FGF12: variants seen among roughly 807,000 people sequenced by gnomAD.
The protein encoded by FGF12 is fibroblast growth factor 12B.
FGF12 carries 14 observed loss-of-function variants against 23.6 expected under a neutral mutation model. The observed-to-expected ratio is 0.59, with a 90% CI of 0.39 to 0.93. The LOEUF (loss-of-function observed/expected upper bound fraction) is 0.93, where lower values mean the gene tolerates loss of function less well. FGF12 is among the 40% of genes least tolerant of loss of function. The pLI is 0.00. For synonymous variants in FGF12, 62 were observed against 77.3 expected, an observed-to-expected ratio of 0.80 and a Z score of 1.04; for missense variants, 175 against 217.8, an observed-to-expected ratio of 0.80 and a Z score of 1.24.
At chr3:192,589,797 G>A (rs1030122684) in intron 2 of FGF12, among the ~76,000 whole-genome samples, 4 of 151,862 alleles carry the variant, frequency 2.6e-5, no homozygotes, top group Admixed American at 6.6e-5. Context: ...GATGCTCGGA[G>A]GACACAAATC....
intron 2 of FGF12, among the ~76,000 whole-genome samples, chr3:192,413,351 C>T (rs1168757651): frequency 1.3e-5 from 2 of 152,130 alleles, no homozygotes; most frequent in Non-Finnish European, 2.9e-5. Flanking sequence ...ACTTTCTTGG[C>T]TCTTGTTTTA....
intron 5 of FGF12, among the ~76,000 whole-genome samples, chr3:192,148,539 C>G (rs903206139): frequency 6.6e-6 from 1 of 152,066 alleles, no homozygotes; most frequent in Non-Finnish European, 1.5e-5. Flanking sequence ...GATGTTTGCA[C>G]AACAATGTCA....
At chr3:192,606,229 A>G (rs1714331620) in intron 2 of FGF12, among the ~76,000 whole-genome samples, 1 of 152,190 alleles carries the variant, frequency 6.6e-6, no homozygotes, top group African/African-American at 2.4e-5. Context: ...AGCAACATGG[A>G]TGCAGCTGGA....
intron 4 of FGF12, among the ~76,000 whole-genome samples, chr3:192,325,512 A>G (rs1472141742): frequency 1.3e-5 from 2 of 152,048 alleles, no homozygotes; most frequent in Non-Finnish European, 2.9e-5. Context: ...CTCGTCTTTC[A>G]CTTTTCTGAG....
chr3:192,277,113 C>T (rs540506305), intron 4 of FGF12, among the ~76,000 whole-genome samples: 6 of 152,162 alleles, frequency 3.9e-5, no homozygotes, highest in Non-Finnish European at 5.9e-5. Context: ...CTCAATCTGC[C>T]TCTTGTCAAT....
At chr3:192,477,066 C>T (rs1442528830) in intron 2 of FGF12, among the ~76,000 whole-genome samples, 2 of 152,148 alleles carry the variant, frequency 1.3e-5, no homozygotes, top group Non-Finnish European at 2.9e-5. Flanking sequence ...GGGCTAGTAG[C>T]AGCAGAGCTG....
Position 192,320,554 on chromosome 3 carries a change from T to C in FGF12, c.228+14807A>G, listed in dbSNP as rs145810285. 2.3e-4 allele frequency among the ~76,000 whole-genome samples: 35 copies of C among 152,294 alleles called. 1 individual carries two copies. The East Asian group carries it at 6.4e-3, about 28-fold the overall frequency. On this transcript the variant is annotated intron_variant, in intron 4 of 5. Coordinates refer to ENST00000445105, the MANE Select transcript of FGF12 (RefSeq NM_004113.6). ...TTATTCTCAAGGATAGACCATATGC[T>C]AGGTCACAAAACAAGTCTTGGAAAA...
rs373214319 is a variant in FGF12, at chr3:192,627,450, G to A, written c.13+99731C>T. Among the ~76,000 whole-genome samples, 3 of 151,410 alleles carry A rather than the reference G, an allele frequency of 2.0e-5. No homozygotes were observed. In the East Asian group the frequency reaches 5.8e-4, roughly 29 times the overall value. ...TTCATTTTTCTGATTATTTTCCTAG[G>A]ACAATTTCACAGGTGTGAAATTATC... On this transcript the variant is annotated intron_variant, in intron 2 of 5. Coordinates refer to ENST00000445105, the MANE Select transcript of FGF12 (RefSeq NM_004113.6).
chr3:192,448,272 C>G (rs9871497), intron 2 of FGF12, among the ~76,000 whole-genome samples: 3 of 152,100 alleles, frequency 2.0e-5, no homozygotes, highest in Non-Finnish European at 4.4e-5. Flanking sequence ...AGAAATCTAC[C>G]AAGGATGTGG....
At chr3:192,714,225 C>T (rs1718786788) in intron 2 of FGF12, among the ~76,000 whole-genome samples, 1 of 152,022 alleles carries the variant, frequency 6.6e-6, no homozygotes, top group African/African-American at 2.4e-5. Context: ...ATGTCTTTGG[C>T]TAGGAATTAG....
At chr3:192,427,992 A>T (rs1434720836) in intron 2 of FGF12, among the ~76,000 whole-genome samples, 2 of 152,234 alleles carry the variant, frequency 1.3e-5, no homozygotes, top group Non-Finnish European at 2.9e-5. Flanking sequence ...TTAGAACTTC[A>T]ACTGTGCTTT....
At chr3:192,558,007 A>G (rs1468348710) in intron 2 of FGF12, among the ~76,000 whole-genome samples, 2 of 151,926 alleles carry the variant, frequency 1.3e-5, no homozygotes, top group African/African-American at 4.8e-5. Flanking sequence ...TGAGATCTGT[A>G]AGAAGGCAAA....
At chr3:192,569,341 G>T (rs1399520692) in intron 2 of FGF12, among the ~76,000 whole-genome samples, 1 of 152,176 alleles carries the variant, frequency 6.6e-6, no homozygotes, top group East Asian at 1.9e-4. Flanking sequence ...CTGTGGATTT[G>T]AGTCATTCCT....
At chr3:192,509,088 T>C (rs778350302) in intron 2 of FGF12, among the ~76,000 whole-genome samples, 16 of 151,530 alleles carry the variant, frequency 1.1e-4, no homozygotes, top group Admixed American at 4.6e-4. Context: ...AATTGGAAAA[T>C]GGCAATCTCT....
chr3:192,493,388 T>G (rs909773853), intron 2 of FGF12, among the ~76,000 whole-genome samples: 27 of 152,230 alleles, frequency 1.8e-4, no homozygotes, highest in African/African-American at 6.5e-4. Flanking sequence ...AATTAAATTC[T>G]TGCTTCTTCC....
intron 4 of FGF12, among the ~76,000 whole-genome samples, chr3:192,178,252 G>A (rs1017336110): frequency 2.0e-5 from 3 of 151,948 alleles, no homozygotes; most frequent in African/African-American, 7.2e-5. Context: ...TAAAATTAAA[G>A]AGCCTATATA....
intron 2 of FGF12, among the ~76,000 whole-genome samples, chr3:192,560,098 T>C (rs561796137): frequency 2.0e-5 from 3 of 152,178 alleles, no homozygotes; most frequent in East Asian, 3.9e-4. Flanking sequence ...AAATCTTCAA[T>C]ATTTTGAAAC....
intron 2 of FGF12, among the ~76,000 whole-genome samples, chr3:192,549,188 A>G (rs887363325): frequency 1.3e-5 from 2 of 152,206 alleles, no homozygotes; most frequent in African/African-American, 4.8e-5. Context: ...ATTCAGGAGG[A>G]TTACTCTGGT....
At chr3:192,355,976 C>A (rs940285680) in intron 3 of FGF12, among the ~76,000 whole-genome samples, 2 of 152,166 alleles carry the variant, frequency 1.3e-5, no homozygotes, top group African/African-American at 2.4e-5. Flanking sequence ...CAGAAGGAGA[C>A]CAAGTCTTCT....
Sources: gnomAD v4.1 joint callset for allele counts (sites outside exome capture counted in the v4.1 genomes callset) on GRCh38, gnomAD v4.1.1 for gene constraint, MANE v1.5 for transcripts, NCBI Gene and HGNC (gene_info 2026-07-23, HGNC 2026-07-21) for gene names.